Variants in ATM observed in about 807,000 individuals in gnomAD.
The protein encoded by ATM is serine-protein kinase ATM.
ATM carries 308 observed loss-of-function variants against 387.0 expected under a neutral mutation model. The observed-to-expected ratio is 0.80, with a 90% CI of 0.73 to 0.87. ATM has a LOEUF of 0.87. Among genes scored for constraint, ATM ranks in the 40% least tolerant of loss-of-function variants. ATM has a pLI of 0.00. For synonymous variants in ATM, 1,156 were observed against 1,187.3 expected (o/e 0.97, Z 0.54); for missense variants, 3,312 against 3,560.9 (o/e 0.93, Z 1.78).
At position 108,297,326 on chromosome 11, in the gene ATM, A is replaced by C. The variant is rs55870064; in HGVS notation, c.4949A>C (p.Asn1650Thr). The change falls in exon 33 of 63, where the codon AAT becomes ACT. Residue 1650 changes from asparagine to threonine, a missense_variant. Around this residue, in one of 4 missense-constraint regions of ATM, gnomAD observed 1,405 missense variants for 1,604.4 expected, o/e 0.88. Coordinates refer to ENST00000675843, the MANE Select transcript of ATM (RefSeq NM_000051.4). ...QDGIMVKLVVNLLQLSKMAIN... is the reference protein window; with the variant it reads ...QDGIMVKLVVTLLQLSKMAIN... The stretch of plus-strand genomic sequence containing the variant: ...GGGATTATGGTGAAACTAGTTGTCA[A>C]TTTGTTGCAGTTATCCAAGATGGCA... 6.2e-7 allele frequency: 1 copy of C among 1,614,076 alleles called. No individual in the cohort carries two copies. The highest frequency in any genetic ancestry group is 8.5e-7 in the Non-Finnish European group (1 of 1,179,978).
In ATM at chr11:108,354,869, G is replaced by A. The variant is rs587782497; in HGVS notation, c.8845G>A (p.Val2949Ile). Residue 2949 changes from valine to isoleucine, a missense_variant, in exon 61 of 63, where the codon GTA (valine) becomes ATA (isoleucine). By Grantham distance (29) the Val-to-Ile change is conservative. Around this residue, in one of 4 missense-constraint regions of ATM, gnomAD observed 21 missense variants for 51.6 expected, o/e 0.41. Transcript: ENST00000675843. ...CTCTCAGGAAACTCTGTTAACCATT[G>A]TAGAGGTAAAGTATTTTATAAGGAA... ...RNSQETLLTIVEVLLYDPLFD... is the reference protein window; with the variant it reads ...RNSQETLLTIIEVLLYDPLFD... The A allele has an allele frequency of 8.1e-6, 13 of 1,612,364 alleles. No homozygotes were observed. The highest frequency in any genetic ancestry group is 1.3e-5 in the African/African-American group (1 of 75,024).
At chr11:108,277,214 C>T (rs1221504946) in intron 22 of ATM, among the ~76,000 whole-genome samples, 3 of 152,114 alleles carry the variant, frequency 2.0e-5, no homozygotes, top group Non-Finnish European at 4.4e-5. Flanking sequence ...ACGCCCCTCC[C>T]CCCACCAAGC....
chr11:108,268,501 T>TAG lies in ATM; in HGVS notation c.2730_2731insAG (p.Ala911ArgfsTer19), dbSNP rs1064794437. ...AGTTCTTGTGTTTGTGTGTAACTACTGCTCAGACCAATACTGTGTCCTTTA... is the reference window on the plus strand; with the variant it reads ...AGTTCTTGTGTTTGTGTGTAACTACTAGGCTCAGACCAATACTGTGTCCTTTA... On this transcript the variant is annotated frameshift_variant, in exon 18 of 63. Transcript: ENST00000675843. LOFTEE classifies it high-confidence loss of function. The TAG allele has an allele frequency of 6.2e-7, 1 of 1,614,140 alleles. No homozygotes were observed. Among genetic ancestry groups the TAG allele is most frequent in the Non-Finnish European group, 8.5e-7 (1 of 1,179,990 alleles).
intron 33 of ATM, 42 bp downstream of exon 33, chr11:108,297,424 C>T (rs4988018): frequency 9.7e-6 from 14 of 1,445,002 alleles, no homozygotes; most frequent in South Asian, 2.3e-5. Flanking sequence ...CAGTCAACTG[C>T]GGATCACATA....
chr11:108,356,665 G>A (rs12277464), intron 61 of ATM, among the ~76,000 whole-genome samples: 4 of 151,920 alleles, frequency 2.6e-5, no homozygotes, highest in African/African-American at 9.7e-5. Flanking sequence ...AGGTGGATTT[G>A]GGAGTTTCTT....
chr11:108,312,658 G>C (rs1035658754), intron 40 of ATM, among the ~76,000 whole-genome samples, 160 bp downstream of exon 40: 1 of 145,222 alleles, frequency 6.9e-6, no homozygotes, highest in Non-Finnish European at 1.5e-5. Context: ...TTAAGCCTTA[G>C]AGTAGACAGA....
intron 35 of ATM, 78 bp from the exon 36 acceptor site, chr11:108,302,774 TG>T (rs1370806727): frequency 1.7e-5 from 23 of 1,325,558 alleles, no homozygotes; most frequent in Middle Eastern, 2.4e-4. Context: ...CAGAAAGATT[TG>T]TTATACTCAT....
At chr11:108,260,660 C>A (rs1224185813) in intron 16 of ATM, among the ~76,000 whole-genome samples, 1 of 152,180 alleles carries the variant, frequency 6.6e-6, no homozygotes, top group Non-Finnish European at 1.5e-5. Context: ...ATAGGAACAG[C>A]TCCGGTCTAC....
At chr11:108,241,209 A>G (rs2079538196) in intron 5 of ATM, among the ~76,000 whole-genome samples, 1 of 152,180 alleles carries the variant, frequency 6.6e-6, no homozygotes, top group Non-Finnish European at 1.5e-5. Context: ...TTCATCTCCT[A>G]TGATAATGGT....
At chr11:108,321,230 C>A in intron 44 of ATM, 71 bp from the exon 45 acceptor site, 14 of 1,595,568 alleles carry the variant, frequency 8.8e-6, no homozygotes, top group Non-Finnish European at 1.2e-5. Context: ...TCTTTAACAA[C>A]AAATTTAAAC....
rs1555074940 is a variant in ATM at position 108,256,276 on chromosome 11, A to C, written c.2186A>C (p.Tyr729Ser). 1 of 1,611,208 alleles carries C rather than the reference A, an allele frequency of 6.2e-7. No homozygotes were observed. The highest frequency in any genetic ancestry group is 8.5e-7 in the Non-Finnish European group (1 of 1,178,180). ...SRLLVGVLGCYCYMGVIAEEE... is the reference protein window; with the variant it reads ...SRLLVGVLGCSCYMGVIAEEE... ...CTTTTGGTGGGTGTCCTTGGCTGCT[A>C]CTGTTACATGGGTGTAATAGCTGAA... The change falls in exon 14 of 63, where the codon TAC (tyrosine) becomes TCC (serine). Residue 729 changes from tyrosine (Y) to serine (S), a missense_variant. Transcript: ENST00000675843.
intron 13 of ATM, among the ~76,000 whole-genome samples, chr11:108,255,717 T>C (rs1447583007): frequency 6.6e-6 from 1 of 152,202 alleles, no homozygotes; most frequent in Non-Finnish European, 1.5e-5. Context: ...TGAGCCACCA[T>C]GCCCGGCCAG....
chr11:108,226,720 T>C (rs1272396426), intron 1 of ATM: 1 of 152,182 alleles, frequency 6.6e-6, no homozygotes, highest in East Asian at 1.9e-4. Flanking sequence ...TTTTTTTTTT[T>C]TCTTTGAGAC....
chr11:108,354,478 A>G (rs1245278589), intron 60 of ATM, among the ~76,000 whole-genome samples: 1 of 152,198 alleles, frequency 6.6e-6, no homozygotes, highest in African/African-American at 2.4e-5. Context: ...CTGTGTACTC[A>G]ACTTGGATTG....
rs770850205 is a variant in ATM at position 108,332,914 on chromosome 11, A to T, written c.7927+14A>T. On this transcript the variant is annotated intron_variant, in intron 53 of 62. Coordinates refer to ENST00000675843, the MANE Select transcript of ATM (RefSeq NM_000051.4). ...AGACTCAGAGAAGTATGTTTTTTTT[A>T]AAGAAGAAACGTTACTTTCTTGCTG... The T allele has an allele frequency of 3.1e-6, 5 of 1,607,220 alleles. 1 individual carries two copies. In the South Asian group the frequency reaches 4.4e-5, roughly 14 times the overall value.
rs1366216756 is a variant in ATM, at chr11:108,282,776, G to C, written c.3643G>C (p.Asp1215His). ...AGAAGACTTTATGGCATCTCATTTA[G>C]ATTATCTGGTTTTGGAATGGCTAAA... is the stretch of plus-strand genomic sequence containing the variant. ...RLEDFMASHL[D>H]YLVLEWLNLQ... The change falls in exon 25 of 63, where the codon GAT becomes CAT. Residue 1215 changes from aspartate to histidine, a missense_variant. By Grantham distance (81) the Asp-to-His change is moderately conservative (BLOSUM62 -1). Transcript: ENST00000675843. The C allele has an allele frequency of 5.6e-6, 9 of 1,609,928 alleles. No individual in the cohort carries two copies. Among genetic ancestry groups the C allele is most frequent in the Non-Finnish European group, 6.8e-6 (8 of 1,176,612 alleles).
chr11:108,353,634 C>T, intron 59 of ATM, 132 bp from the exon 60 acceptor site: 1 of 737,264 alleles, frequency 1.4e-6, no homozygotes, highest in African/African-American at 1.7e-5. Context: ...CAGAAGTAAA[C>T]TACTGTACAT....
intron 13 of ATM, among the ~76,000 whole-genome samples, chr11:108,255,370 C>G (rs1450248063): frequency 2.0e-5 from 3 of 150,252 alleles, no homozygotes; most frequent in Non-Finnish European, 4.4e-5. Context: ...AAAATCTGAA[C>G]ATTTTGTGTG....
chr11:108,306,219 A>G (rs1048564297), intron 37 of ATM, among the ~76,000 whole-genome samples: 7 of 152,238 alleles, frequency 4.6e-5, no homozygotes, highest in African/African-American at 1.7e-4. Flanking sequence ...AATTATAAAC[A>G]TAGACATAGA....
Sources: gnomAD v4.1 joint callset for allele counts (sites outside exome capture counted in the v4.1 genomes callset) on GRCh38, gnomAD v4.1.1 for gene constraint, gnomAD v4.1.1 regional missense constraint, MANE v1.5 for transcripts, NCBI Gene and HGNC (gene_info 2026-07-23, HGNC 2026-07-21) for gene names.